CLEC16A: variants seen among roughly 807,000 people sequenced by gnomAD.
CLEC16A encodes C-type lectin domain containing 16A, also known as protein CLEC16A.
A neutral mutation model predicts 109.5 loss-of-function variants in CLEC16A; 51 were observed. The observed-to-expected ratio is 0.47, with a 90% CI of 0.37 to 0.59. The LOEUF is 0.59. Ranked by LOEUF, CLEC16A falls within the 20% of genes least tolerant of loss-of-function variation. CLEC16A has a pLI of 0.00. For synonymous variants in CLEC16A, 673 were observed against 564.2 expected, an observed-to-expected ratio of 1.19 and a Z score of -2.73; for missense variants, 1,339 against 1,394.0, an observed-to-expected ratio of 0.96 and a Z score of 0.63.
chr16:10,963,774 C>G (rs1043304272), intron 3 of CLEC16A, among the ~76,000 whole-genome samples: 1 of 152,266 alleles, frequency 6.6e-6, no homozygotes, highest in East Asian at 1.9e-4. Context: ...TCATCCCAGG[C>G]GATTAGCTCA....
At chr16:11,095,817 GAAAAAAAAAA>G (rs34366897) in intron 19 of CLEC16A, among the ~76,000 whole-genome samples, 5 of 105,874 alleles carry the variant, frequency 4.7e-5, no homozygotes, top group African/African-American at 7.0e-5. Context: ...GTCTCAAAAA[GAAAAAAAAAA>G]AAAAAAAAAA....
chr16:10,992,115 C>T (rs1034175137), intron 10 of CLEC16A, among the ~76,000 whole-genome samples: 11 of 152,250 alleles, frequency 7.2e-5, no homozygotes, highest in South Asian at 2.1e-4. Flanking sequence ...CAGATACGCA[C>T]GGGGACAAAT....
At chr16:11,150,895 ACCCCAGT>A (rs1294191293) in intron 22 of CLEC16A, among the ~76,000 whole-genome samples, 2 of 152,052 alleles carry the variant, frequency 1.3e-5, no homozygotes, top group Non-Finnish European at 1.5e-5. Flanking sequence ...TAGAAGTATC[ACCCCAGT>A]CTTGCCTTCA....
chr16:11,167,839 C>T (rs1179400020), intron 23 of CLEC16A, among the ~76,000 whole-genome samples: 1 of 152,294 alleles, frequency 6.6e-6, no homozygotes, highest in Admixed American at 6.5e-5. Flanking sequence ...ACCCCTGTTG[C>T]CAGGCTTGTA....
At chr16:11,025,481 C>G (rs776147794) in intron 13 of CLEC16A, among the ~76,000 whole-genome samples, 2 of 152,142 alleles carry the variant, frequency 1.3e-5, no homozygotes, top group Non-Finnish European at 1.5e-5. Flanking sequence ...ATTCATTCAC[C>G]GCCTTGCTGC....
intron 13 of CLEC16A, chr16:11,027,280 C>T (rs1285994366): frequency 1.9e-6 from 3 of 1,545,826 alleles, no homozygotes; most frequent in African/African-American, 1.4e-5. Context: ...GATAAACATT[C>T]CTTGGCCTTT....
At chr16:11,112,734 A>G (rs912671158) in intron 19 of CLEC16A, among the ~76,000 whole-genome samples, 4 of 152,218 alleles carry the variant, frequency 2.6e-5, no homozygotes, top group Non-Finnish European at 5.9e-5. Flanking sequence ...CCCAAAGAAA[A>G]ATAAAAGGTA....
chr16:11,056,659 C>T (rs2048228470), intron 18 of CLEC16A: 1 of 152,086 alleles, frequency 6.6e-6, no homozygotes, highest in Non-Finnish European at 1.5e-5. Flanking sequence ...TCACTATTGG[C>T]CTTGAGGAAA....
At chr16:10,974,316 G>A (rs2042937735) in intron 7 of CLEC16A, among the ~76,000 whole-genome samples, 1 of 152,118 alleles carries the variant, frequency 6.6e-6, no homozygotes, top group South Asian at 2.1e-4. Context: ...ATAATTGAAT[G>A]TTATGGAATG....
chr16:11,084,657 A>T (rs2049912252), intron 19 of CLEC16A, among the ~76,000 whole-genome samples: 1 of 152,200 alleles, frequency 6.6e-6, no homozygotes, highest in South Asian at 2.1e-4. Context: ...GCCCAGCATT[A>T]GTCTTCTGAA....
chr16:11,149,400 G>C (rs1298500545), intron 22 of CLEC16A, among the ~76,000 whole-genome samples: 2 of 152,072 alleles, frequency 1.3e-5, no homozygotes, highest in Non-Finnish European at 2.9e-5. Flanking sequence ...CCAGAAGAAA[G>C]CATTGTTAAT....
At position 11,021,210 on chromosome 16, in the gene CLEC16A, C is replaced by G. The variant is rs75498950; in HGVS notation, c.1436+885C>G. ...TTTTTTTCCTCCACATCTTATTTGT[C>G]TCTTTGCTTGGCAAATGTTTCAATG... On this transcript the variant is annotated intron_variant, in intron 12 of 23. Transcript: ENST00000409790. Among the ~76,000 whole-genome samples the G allele has an allele frequency of 6.6e-3, 1,001 of 152,320 alleles. 7 individuals carry two copies. Among genetic ancestry groups the G allele is most frequent in the African/African-American group, 0.023 (961 of 41,568 alleles).
Position 11,174,207 on chromosome 16 carries a change from A to G in CLEC16A, c.2807-4128A>G, listed in dbSNP as rs1340540001. 1 of 469,506 alleles carries G rather than the reference A, an allele frequency of 2.1e-6. No homozygotes were observed. Among genetic ancestry groups the G allele is most frequent in the Admixed American group, 2.3e-5 (1 of 42,574 alleles). The allele number at this position is 469,506 out of a possible 1,614,324, so 29.1% of individuals were successfully genotyped here. On this transcript the variant is annotated intron_variant, in intron 23 of 23. Coordinates refer to ENST00000409790, the MANE Select transcript of CLEC16A (RefSeq NM_015226.3). This position sits in a 1 kb window ranked among gnomAD's most constrained non-coding sequence, Gnocchi z 4.7. ...AGTGTTCAGCCTGTCGGAGGCCGAC[A>G]GTCATGGCGGCCACTGGGTTTAGTG...
intron 22 of CLEC16A, among the ~76,000 whole-genome samples, chr16:11,147,175 G>A (rs139772102): frequency 5.2e-4 from 79 of 152,262 alleles, no homozygotes; most frequent in African/African-American, 1.7e-3. Context: ...GTTGCTGCCC[G>A]TTTGACACCT....
At chr16:10,973,160 C>A (rs2042875561) in intron 7 of CLEC16A, 99 bp downstream of exon 7, 1 of 1,364,190 alleles carries the variant, frequency 7.3e-7, no homozygotes, top group South Asian at 1.4e-5. Context: ...CCGCACTTCC[C>A]TACCTCTGTG....
chr16:11,077,471 C>CAAA (rs562378755), intron 19 of CLEC16A, among the ~76,000 whole-genome samples: 1 of 61,302 alleles, frequency 1.6e-5, no homozygotes, highest in African/African-American at 4.9e-5. Flanking sequence ...GACTCTGTCT[C>CAAA]AAAAAAAAAA....
At chr16:11,037,483 C>T (rs1431421616) in intron 13 of CLEC16A, among the ~76,000 whole-genome samples, 1 of 152,224 alleles carries the variant, frequency 6.6e-6, no homozygotes, top group Non-Finnish European at 1.5e-5. Flanking sequence ...AAGTCGAGAT[C>T]ATCTTGGGAC....
At chr16:11,094,176 C>T (rs1465729159) in intron 19 of CLEC16A, among the ~76,000 whole-genome samples, 1 of 152,182 alleles carries the variant, frequency 6.6e-6, no homozygotes, top group Non-Finnish European at 1.5e-5. Context: ...AGGGCCCCTT[C>T]CCAGCCTGTG....
chr16:11,074,693 A>G (rs1567281253), intron 19 of CLEC16A, among the ~76,000 whole-genome samples: 2 of 152,356 alleles, frequency 1.3e-5, no homozygotes, highest in Non-Finnish European at 2.9e-5. Flanking sequence ...AGGTCACCTA[A>G]TGACTGTGCC....
Sources: allele counts gnomAD v4.1 joint callset (sites outside exome capture counted in the v4.1 genomes callset), GRCh38; gene constraint gnomAD v4.1.1; non-coding constraint Gnocchi (gnomAD v3.1); transcripts MANE v1.5; gene names NCBI Gene and HGNC (gene_info 2026-07-23, HGNC 2026-07-21).